Variants in SARNP observed in about 807,000 individuals in gnomAD.
The protein encoded by SARNP is SAP domain containing ribonucleoprotein.
Under a neutral mutation model 38.1 loss-of-function variants are expected in SARNP, and 5 were observed. That is an observed-to-expected ratio of 0.13 (90% confidence interval 0.07 to 0.28). The LOEUF (loss-of-function observed/expected upper bound fraction) is 0.28, where lower values mean the gene tolerates loss of function less well. Ranked by LOEUF, SARNP falls within the 10% of genes least tolerant of loss-of-function variation. The pLI is 1.00. For missense variants in SARNP, 180 were observed against 243.9 expected (o/e 0.74, Z 1.75); for synonymous variants, 84 against 80.6 (o/e 1.04, Z -0.23).
At chr12:55,795,915 A>G (rs906787416) in intron 5 of SARNP, 110 bp downstream of exon 5, 8 of 777,132 alleles carry the variant, frequency 1.0e-5, no homozygotes, top group African/African-American at 7.0e-5. Context: ...AAATCTGCCA[A>G]TACTGATTTT....
At chr12:55,797,648 C>T (rs1463656838) in intron 4 of SARNP, among the ~76,000 whole-genome samples, 1 of 152,200 alleles carries the variant, frequency 6.6e-6, no homozygotes, top group East Asian at 1.9e-4. Context: ...CACATCATGG[C>T]AGAAAGGGAA....
intron 4 of SARNP, among the ~76,000 whole-genome samples, chr12:55,798,793 A>G (rs956953433): frequency 1.1e-4 from 16 of 152,236 alleles, no homozygotes; most frequent in Non-Finnish European, 2.4e-4. Flanking sequence ...TAGGTAGATG[A>G]GAGTCTATTA....
At chr12:55,800,537 C>G in intron 4 of SARNP, 25 bp downstream of exon 4, 1 of 1,493,166 alleles carries the variant, frequency 6.7e-7, no homozygotes, top group Non-Finnish European at 9.3e-7. Flanking sequence ...GCTCTGTACT[C>G]AGATTATAAA....
chr12:55,796,116 A>G (rs1284308049), intron 4 of SARNP, 40 bp from the exon 5 acceptor site: 3 of 1,378,726 alleles, frequency 2.2e-6, no homozygotes, highest in Non-Finnish European at 3.1e-6. Context: ...GAAAACTGAT[A>G]TTCTAAACCA....
chr12:55,761,286 A>G (rs1038387153), intron 9 of SARNP, among the ~76,000 whole-genome samples: 1 of 152,234 alleles, frequency 6.6e-6, no homozygotes, highest in Non-Finnish European at 1.5e-5. Context: ...GTTTCACTGA[A>G]TAACACCCAA....
At chr12:55,758,202 A>G (rs1299476751) in intron 10 of SARNP, among the ~76,000 whole-genome samples, 1 of 152,246 alleles carries the variant, frequency 6.6e-6, no homozygotes, top group East Asian at 1.9e-4. Flanking sequence ...CTCACAGAAC[A>G]GCACCAAGTC....
At chr12:55,762,914 C>T (rs1453785287) in intron 9 of SARNP, among the ~76,000 whole-genome samples, 1 of 152,186 alleles carries the variant, frequency 6.6e-6, no homozygotes, top group African/African-American at 2.4e-5. Context: ...GTCTTTAACT[C>T]TTTCAGCTTG....
chr12:55,770,048 C>A (rs1878959427), intron 9 of SARNP, among the ~76,000 whole-genome samples: 1 of 152,074 alleles, frequency 6.6e-6, no homozygotes, highest in African/African-American at 2.4e-5. Flanking sequence ...AGATGAAAAG[C>A]AAACACACAG....
At chr12:55,792,536 T>A (rs1274223448) in intron 7 of SARNP, 1 of 21,836 alleles carries the variant, frequency 4.6e-5, no homozygotes, top group South Asian at 6.6e-3. Flanking sequence ...CACACCCAGC[T>A]TTTTTTTTTT....
At chr12:55,775,398 C>A (rs1374575138) in intron 9 of SARNP, among the ~76,000 whole-genome samples, 1 of 150,108 alleles carries the variant, frequency 6.7e-6, no homozygotes, top group East Asian at 2.0e-4. Flanking sequence ...CGGCCTCTAC[C>A]AAAGATACAA....
intron 2 of SARNP, among the ~76,000 whole-genome samples, chr12:55,803,385 G>A (rs1168257053): frequency 6.6e-6 from 1 of 151,842 alleles, no homozygotes; most frequent in East Asian, 1.9e-4. Context: ...TTGGGAGGCT[G>A]AGACAGGAGA....
At chr12:55,757,656 A>G in intron 10 of SARNP, 103 bp from the exon 11 acceptor site, 1 of 804,344 alleles carries the variant, frequency 1.2e-6, no homozygotes, top group South Asian at 1.8e-5. Context: ...ACAAGGCCCG[A>G]GAAGGAAGGA....
chr12:55,802,370 T>TG (rs1186611140), intron 2 of SARNP, among the ~76,000 whole-genome samples: 1 of 151,958 alleles, frequency 6.6e-6, no homozygotes, highest in Non-Finnish European at 1.5e-5. Context: ...GGATATAGTA[T>TG]ACTATATCCT....
In SARNP at chr12:55,813,774, C is replaced by T. The variant is rs1446166048; in HGVS notation, c.36+3892G>A. On this transcript the variant is annotated intron_variant, in intron 1 of 10. Transcript: ENST00000336133. ...GGTCAGGCTGGTCTCGAACTCTCGA[C>T]CTCAGGTGATCCGCCTGCCTCGGCC... Among the ~76,000 whole-genome samples the T allele has an allele frequency of 2.0e-5, 3 of 152,186 alleles. No individual in the cohort carries two copies. In the East Asian group the frequency reaches 5.8e-4, roughly 29 times the overall value.
chr12:55,790,460 AAATT>A, intron 8 of SARNP, 103 bp downstream of exon 8: 2 of 1,254,648 alleles, frequency 1.6e-6, no homozygotes, highest in African/African-American at 1.5e-5. Context: ...AAGAGTCAAC[AAATT>A]AATGTTCTCA....
At chr12:55,817,026 T>G (rs1880510336) in intron 1 of SARNP, among the ~76,000 whole-genome samples, 2 of 152,146 alleles carry the variant, frequency 1.3e-5, no homozygotes, top group South Asian at 4.2e-4. Context: ...GAGAGCCGCG[T>G]GACAGAACTC....
intron 9 of SARNP, among the ~76,000 whole-genome samples, chr12:55,782,286 G>C (rs1879361357): frequency 6.6e-6 from 1 of 152,164 alleles, no homozygotes; most frequent in Non-Finnish European, 1.5e-5. Flanking sequence ...ACATTCCTGG[G>C]GAAGGAGAAG....
Position 55,789,161 on chromosome 12 carries a change from A to G in SARNP, c.433-18T>C. 1.3e-6 allele frequency: 2 copies of G among 1,550,220 alleles called. No homozygotes were observed. Among genetic ancestry groups the G allele is most frequent in the Non-Finnish European group, 1.7e-6 (2 of 1,142,856 alleles). On this transcript the variant is annotated intron_variant, in intron 8 of 10. Coordinates refer to ENST00000336133, the MANE Select transcript of SARNP (RefSeq NM_033082.4). ...AAGTTAACCTATAAAAACATAGGGG[A>G]AAGAACATAGTTTTAAAAAATCAAA...
chr12:55,793,636 A>G (rs780672355), intron 7 of SARNP: 1 of 152,140 alleles, frequency 6.6e-6, no homozygotes, highest in Non-Finnish European at 1.5e-5. Flanking sequence ...AAAAAAAAAA[A>G]ATCCAAGTAT....
Sources: allele counts gnomAD v4.1 joint callset (sites outside exome capture counted in the v4.1 genomes callset), GRCh38; gene constraint gnomAD v4.1.1; transcripts MANE v1.5; gene names NCBI Gene and HGNC (gene_info 2026-07-23, HGNC 2026-07-21).